Variants in XYLT1 observed in about 807,000 individuals in gnomAD.
The protein encoded by XYLT1 is beta-D-xylosyltransferase 1.
XYLT1 carries 36 observed loss-of-function variants against 91.3 expected under a neutral mutation model. The ratio of observed to expected loss-of-function variants is 0.39; its 90% CI spans 0.30 to 0.52. The LOEUF (loss-of-function observed/expected upper bound fraction) is 0.52, where lower values mean the gene tolerates loss of function less well. Ranked by LOEUF, XYLT1 falls within the 20% of genes least tolerant of loss-of-function variation. The pLI is 0.68. For missense variants in XYLT1, 1,242 were observed against 1,284.5 expected, an observed-to-expected ratio of 0.97 and a Z score of 0.51; for synonymous variants, 588 against 532.0, an observed-to-expected ratio of 1.11 and a Z score of -1.45.
chr16:17,467,646 T>C (rs911058413), intron 1 of XYLT1, among the ~76,000 whole-genome samples: 2 of 152,090 alleles, frequency 1.3e-5, no homozygotes, highest in Non-Finnish European at 2.9e-5. Context: ...GCACCAAAAA[T>C]ACAATCAGGG....
intron 1 of XYLT1, among the ~76,000 whole-genome samples, chr16:17,383,676 C>T (rs1023574436): frequency 1.3e-5 from 2 of 151,752 alleles, no homozygotes; most frequent in Non-Finnish European, 2.9e-5. Context: ...ATGTCTTGGG[C>T]ACTGGAAACA....
chr16:17,346,053 C>T (rs1355711905), intron 2 of XYLT1, among the ~76,000 whole-genome samples: 1 of 152,196 alleles, frequency 6.6e-6, no homozygotes, highest in African/African-American at 2.4e-5. Flanking sequence ...CCAGGTGATC[C>T]ACCTGCCTTG....
intron 2 of XYLT1, among the ~76,000 whole-genome samples, chr16:17,263,976 T>C (rs1030343766): frequency 2.0e-5 from 3 of 152,208 alleles, no homozygotes; most frequent in Non-Finnish European, 4.4e-5. Context: ...CCAAAAGTGC[T>C]GGGACTACTA....
chr16:17,169,612 G>A (rs1485469605), intron 5 of XYLT1, among the ~76,000 whole-genome samples: 1 of 140,452 alleles, frequency 7.1e-6, no homozygotes, highest in East Asian at 2.5e-4. Flanking sequence ...AGGAACCCAG[G>A]ACGCCACCGG....
intron 9 of XYLT1, among the ~76,000 whole-genome samples, chr16:17,128,625 A>G (rs1366188300): frequency 6.6e-6 from 1 of 152,220 alleles, no homozygotes; most frequent in African/African-American, 2.4e-5. Context: ...ATCTTTAACC[A>G]TGATTGCCAA....
intron 2 of XYLT1, among the ~76,000 whole-genome samples, chr16:17,334,481 T>G (rs2034948155): frequency 6.6e-6 from 1 of 151,996 alleles, no homozygotes; most frequent in Non-Finnish European, 1.5e-5. Flanking sequence ...TATGCAAGCC[T>G]TCTCCATACC....
chr16:17,452,003 A>G (rs2036670877), intron 1 of XYLT1, among the ~76,000 whole-genome samples: 1 of 152,186 alleles, frequency 6.6e-6, no homozygotes, highest in South Asian at 2.1e-4. Context: ...AGGCTAAGTG[A>G]TAACTTCCCC....
At chr16:17,455,609 A>AATAC (rs2036730401) in intron 1 of XYLT1, among the ~76,000 whole-genome samples, 1 of 151,800 alleles carries the variant, frequency 6.6e-6, no homozygotes, top group African/African-American at 2.4e-5. Flanking sequence ...TAAATAAATA[A>AATAC]ATAAATAAAT....
intron 1 of XYLT1, among the ~76,000 whole-genome samples, chr16:17,388,488 T>C (rs2035775820): frequency 6.6e-6 from 1 of 152,014 alleles, no homozygotes; most frequent in African/African-American, 2.4e-5. Context: ...AGACCAGAGC[T>C]CCCCATTCTG....
chr16:17,383,173 C>A (rs1310056299), intron 1 of XYLT1, among the ~76,000 whole-genome samples: 1 of 151,848 alleles, frequency 6.6e-6, no homozygotes, highest in East Asian at 2.0e-4. Context: ...CCTTCTAAAC[C>A]ACCGTCACTA....
chr16:17,157,910 G>A (rs2031449705), intron 6 of XYLT1, among the ~76,000 whole-genome samples: 1 of 152,130 alleles, frequency 6.6e-6, no homozygotes. Flanking sequence ...CACCACACCT[G>A]GCTAATTTTT....
chr16:17,234,503 C>T (rs1474098275), intron 3 of XYLT1, among the ~76,000 whole-genome samples: 1 of 151,064 alleles, frequency 6.6e-6, no homozygotes, highest in Non-Finnish European at 1.5e-5. Flanking sequence ...GGTAAATAAG[C>T]ACATAAGAAA....
chr16:17,424,380 C>CATT (rs1302935486), intron 1 of XYLT1, among the ~76,000 whole-genome samples: 1 of 152,320 alleles, frequency 6.6e-6, no homozygotes, highest in Non-Finnish European at 1.5e-5. Flanking sequence ...ACAAACCTTT[C>CATT]ATTACAAATT....
At chr16:17,187,666 A>G (rs1237548540) in intron 5 of XYLT1, among the ~76,000 whole-genome samples, 7 of 145,150 alleles carry the variant, frequency 4.8e-5, no homozygotes, top group Non-Finnish European at 9.0e-5. Context: ...TCTTTTTGGG[A>G]TGGAGTTTTG....
intron 10 of XYLT1, among the ~76,000 whole-genome samples, chr16:17,125,644 A>G (rs181586841): frequency 5.3e-4 from 81 of 152,258 alleles, no homozygotes; most frequent in African/African-American, 1.8e-3. Context: ...AGATGAATCA[A>G]TCATTCTATT....
At chr16:17,114,694 G>C (rs566389104) in intron 11 of XYLT1, among the ~76,000 whole-genome samples, 1 of 152,282 alleles carries the variant, frequency 6.6e-6, no homozygotes, top group East Asian at 1.9e-4. Flanking sequence ...AAAGCTAAGA[G>C]GCTGTAATGC....
intron 5 of XYLT1, among the ~76,000 whole-genome samples, chr16:17,194,404 C>T (rs1274914188): frequency 1.3e-5 from 2 of 152,206 alleles, no homozygotes; most frequent in Non-Finnish European, 2.9e-5. Flanking sequence ...AATGCGCATG[C>T]CTACCTGGCC....
chr16:17,418,783 G>A (rs2036212414), intron 1 of XYLT1, among the ~76,000 whole-genome samples: 2 of 151,876 alleles, frequency 1.3e-5, no homozygotes, highest in African/African-American at 4.8e-5. Context: ...TGGACATTGA[G>A]GCTGCAGAGA....
chr16:17,199,956 C>A (rs2032502036), intron 4 of XYLT1, among the ~76,000 whole-genome samples: 1 of 152,080 alleles, frequency 6.6e-6, no homozygotes, highest in African/African-American at 2.4e-5. Context: ...GGCACGGTGG[C>A]TCACACCTGT....
Sources: allele counts gnomAD v4.1 joint callset (sites outside exome capture counted in the v4.1 genomes callset), GRCh38; gene constraint gnomAD v4.1.1; transcripts MANE v1.5; gene names NCBI Gene and HGNC (gene_info 2026-07-23, HGNC 2026-07-21).